Variants in ALDH7A1 observed in about 807,000 individuals in gnomAD.
ALDH7A1 encodes the protein aldehyde dehydrogenase 7 family member A1.
Under a neutral mutation model 79.9 loss-of-function variants are expected in ALDH7A1, and 63 were observed. That is an observed-to-expected ratio of 0.79 (90% CI 0.64 to 0.97). The LOEUF (loss-of-function observed/expected upper bound fraction) is 0.97. Ranked by LOEUF, ALDH7A1 falls within the 50% of genes least tolerant of loss-of-function variation. The probability of loss-of-function intolerance (pLI) is 0.00; values close to 1 mark genes in which losing one functional copy is unlikely to be tolerated. For synonymous variants in ALDH7A1, 240 were observed against 231.2 expected, an observed-to-expected ratio of 1.04 and a Z score of -0.34; for missense variants, 627 against 665.2, an observed-to-expected ratio of 0.94 and a Z score of 0.63.
chr5:126,570,753 C>T, intron 8 of ALDH7A1, 29 bp downstream of exon 8: 1 of 1,611,156 alleles, frequency 6.2e-7, no homozygotes, highest in Non-Finnish European at 8.5e-7. Flanking sequence ...GGTCCTTCAA[C>T]AGAGGATGCT....
chr5:126,569,626 C>T (rs1750711622), intron 8 of ALDH7A1: 1 of 152,122 alleles, frequency 6.6e-6, no homozygotes, highest in South Asian at 2.1e-4. Context: ...GTATATACTA[C>T]CATAATTATC....
intron 5 of ALDH7A1, among the ~76,000 whole-genome samples, chr5:126,579,394 A>G (rs146700100): frequency 1.0e-3 from 153 of 152,276 alleles, no homozygotes; most frequent in Non-Finnish European, 1.7e-3. Context: ...GATCCCAGCT[A>G]TGTGCCCACC....
At chr5:126,585,891 C>T (rs1056691886) in intron 3 of ALDH7A1, among the ~76,000 whole-genome samples, 1 of 152,088 alleles carries the variant, frequency 6.6e-6, no homozygotes, top group African/African-American at 2.4e-5. Context: ...AGAAACTGAG[C>T]TTATATACAT....
At chr5:126,572,507 A>G (rs554744979) in intron 7 of ALDH7A1, among the ~76,000 whole-genome samples, 3 of 152,336 alleles carry the variant, frequency 2.0e-5, no homozygotes, top group Admixed American at 6.5e-5. Context: ...ACTGTTCTCC[A>G]TGTCACCTGA....
intron 1 of ALDH7A1, 76 bp downstream of exon 1, chr5:126,594,931 G>C: frequency 6.5e-7 from 1 of 1,535,320 alleles, no homozygotes; most frequent in Non-Finnish European, 8.8e-7. Flanking sequence ...CCAGCGGGGA[G>C]TCGGTAGGTC....
intron 9 of ALDH7A1, among the ~76,000 whole-genome samples, chr5:126,562,675 C>A (rs1219186500): frequency 6.6e-6 from 1 of 151,894 alleles, no homozygotes; most frequent in Admixed American, 6.6e-5. Context: ...TGGTGAAACC[C>A]TGTCTCTACT....
rs1315120459 is a variant in ALDH7A1, at chr5:126,565,957, C to T, written c.871+2302G>A. Reference sequence around the variant, plus strand: ...ATTGATTTTTATGTCTATCCTTATGCTGGTGCCACATAGTCTTGATTATCA... The same window carrying T: ...ATTGATTTTTATGTCTATCCTTATGTTGGTGCCACATAGTCTTGATTATCA... On this transcript the variant is annotated intron_variant, in intron 9 of 17. Coordinates refer to ENST00000409134, the MANE Select transcript of ALDH7A1 (RefSeq NM_001182.5). Among the ~76,000 whole-genome samples, 4 of 152,340 alleles carry T rather than the reference C, an allele frequency of 2.6e-5. No homozygotes were observed. The East Asian group carries it at 5.8e-4, about 22-fold the overall frequency.
At chr5:126,558,166 C>CAAAAAAAAAAAAAA (rs35559498) in intron 11 of ALDH7A1, among the ~76,000 whole-genome samples, 4 of 75,418 alleles carry the variant, frequency 5.3e-5, no homozygotes, top group African/African-American at 1.6e-4. Context: ...GACTCCAACT[C>CAAAAAAAAAAAAAA]AAAAAAAAAA....
chr5:126,567,854 G>A (rs1420493347), intron 9 of ALDH7A1: 2 of 197,806 alleles, frequency 1.0e-5, no homozygotes, highest in East Asian at 1.2e-4. Context: ...CGCCATCTCG[G>A]CTCACTGCAA....
intron 3 of ALDH7A1, 135 bp from the exon 4 acceptor site, chr5:126,584,147 T>C (rs1751275442): frequency 1.3e-6 from 1 of 789,928 alleles, no homozygotes; most frequent in African/African-American, 1.7e-5. Context: ...AAAACTGTGA[T>C]ATGGCCAGGC....
At chr5:126,588,286 A>G (rs7704283) in intron 3 of ALDH7A1, 68,389 of 151,864 alleles carry the variant, frequency 0.45, 19,796 homozygotes, top group African/African-American at 0.82. Context: ...CCTGGCCAAC[A>G]TGGTGAAACC....
intron 16 of ALDH7A1, among the ~76,000 whole-genome samples, chr5:126,547,879 A>G (rs985869126): frequency 2.0e-5 from 3 of 152,028 alleles, no homozygotes; most frequent in Admixed American, 2.0e-4. Context: ...GTGAAACCCC[A>G]TCTCTACTAA....
In ALDH7A1 at chr5:126,568,328, T is replaced by A. The variant is rs761387197; in HGVS notation, c.802A>T (p.Asn268Tyr). 1 of 1,614,088 alleles carries A rather than the reference T, an allele frequency of 6.2e-7. No individual in the cohort carries two copies. The highest frequency in any genetic ancestry group is 8.5e-7 in the Non-Finnish European group (1 of 1,179,984). Residue 268 changes from asparagine to tyrosine, a missense_variant, in exon 9 of 18, where the codon AAC becomes TAC. Transcript: ENST00000409134. ...GTAMAKDERV[N>Y]LLSFTGSTQV... ...GTGCTCCCAGTGAAGGACAGCAGGT[T>A]CACTCGTTCATCTTTGGCCATTGCT...
intron 11 of ALDH7A1, 127 bp from the exon 12 acceptor site, chr5:126,556,142 TA>T (rs1397507147): frequency 9.9e-6 from 5 of 506,966 alleles, no homozygotes; most frequent in African/African-American, 5.9e-5. Context: ...AAAGCATGTT[TA>T]TTTTTTTAAT....
chr5:126,563,785 C>T (rs1416866809), intron 9 of ALDH7A1, among the ~76,000 whole-genome samples: 1 of 152,094 alleles, frequency 6.6e-6, no homozygotes, highest in Non-Finnish European at 1.5e-5. Context: ...GCCATCGCAA[C>T]CGGCCCACCA....
intron 5 of ALDH7A1, among the ~76,000 whole-genome samples, chr5:126,579,219 C>A (rs1475008897): frequency 6.6e-5 from 10 of 152,228 alleles, no homozygotes; most frequent in Non-Finnish European, 2.9e-5. Context: ...CAATGCAATC[C>A]TCCCAAATAA....
chr5:126,593,545 A>T, intron 1 of ALDH7A1, 141 bp from the exon 2 acceptor site: 2 of 1,184,052 alleles, frequency 1.7e-6, no homozygotes, highest in Non-Finnish European at 1.2e-6. Flanking sequence ...AACTTCTGTT[A>T]CATATAAACC....
intron 4 of ALDH7A1, 52 bp downstream of exon 4, chr5:126,583,880 C>A: frequency 7.1e-7 from 1 of 1,400,306 alleles, no homozygotes; most frequent in Non-Finnish European, 1.0e-6. Context: ...AAAAGCATGA[C>A]AGCCTTATTG....
intron 16 of ALDH7A1, 23 bp from the exon 17 acceptor site, chr5:126,546,422 C>G: frequency 1.2e-6 from 2 of 1,610,414 alleles, no homozygotes; most frequent in Non-Finnish European, 1.7e-6. Context: ...AAAATAATAT[C>G]ATATCTTCTG....
Sources: allele counts gnomAD v4.1 joint callset (sites outside exome capture counted in the v4.1 genomes callset), GRCh38; gene constraint gnomAD v4.1.1; transcripts MANE v1.5; gene names NCBI Gene and HGNC (gene_info 2026-07-23, HGNC 2026-07-21).